The following ARHGEF10L variants were observed in gnomAD, a reference collection of about 807,000 sequenced individuals.
The protein encoded by ARHGEF10L is rho guanine nucleotide exchange factor 10-like protein.
In ARHGEF10L, 69 loss-of-function variants were observed where a neutral mutation model predicts 141.2. The observed-to-expected ratio is 0.49, with a 90% CI of 0.40 to 0.60. The LOEUF (loss-of-function observed/expected upper bound fraction) is 0.60. Ranked by LOEUF, ARHGEF10L falls within the 20% of genes least tolerant of loss-of-function variation. The probability of loss-of-function intolerance (pLI) is 0.00; values close to 1 mark genes in which losing one functional copy is unlikely to be tolerated. For missense variants in ARHGEF10L, 1,482 were observed against 1,734.3 expected (o/e 0.85, Z 2.58); for synonymous variants, 711 against 718.5 (o/e 0.99, Z 0.17).
chr1:17,538,939 T>C (rs1168538872), upstream of ARHGEF10L, among the ~76,000 whole-genome samples: 4 of 152,342 alleles, frequency 2.6e-5, no homozygotes, highest in East Asian at 7.7e-4. Flanking sequence ...AATTGCATCA[T>C]ATCCAGAGGC....
intron 4 of ARHGEF10L, among the ~76,000 whole-genome samples, chr1:17,601,827 C>T (rs113246167): frequency 5.9e-5 from 9 of 152,284 alleles, no homozygotes; most frequent in African/African-American, 1.7e-4. Context: ...GGTGGAGGTT[C>T]CCTTTGAGTC....
chr1:17,549,760 T>C (rs908725990), intron 1 of ARHGEF10L, among the ~76,000 whole-genome samples: 1 of 152,204 alleles, frequency 6.6e-6, no homozygotes, highest in East Asian at 1.9e-4. Flanking sequence ...TAATGAAATA[T>C]AGTTCCAAGA....
chr1:17,636,384 C>A (rs192083875), intron 18 of ARHGEF10L, among the ~76,000 whole-genome samples: 1 of 152,302 alleles, frequency 6.6e-6, no homozygotes, highest in East Asian at 1.9e-4. Context: ...CTTGAAGAAC[C>A]ATAAAACCAA....
rs772422566 is a variant in ARHGEF10L at position 17,656,114 on chromosome 1, G to A, written c.2705+12G>A. 12 of 1,549,342 alleles carry A rather than the reference G, an allele frequency of 7.7e-6. No homozygotes were observed. Among genetic ancestry groups the A allele is most frequent in the African/African-American group, 4.1e-5 (3 of 73,036 alleles). ...CTCCAGGATGGCAGGTGAGGGGCCC[G>A]GAAGGAGGGGTGAGAGCAGCCTCTG... On this transcript the variant is annotated intron_variant, in intron 24 of 28. Transcript: ENST00000361221. The surrounding 1 kb of genome is among the most constrained non-coding windows in gnomAD (Gnocchi z 4.9).
intron 4 of ARHGEF10L, among the ~76,000 whole-genome samples, chr1:17,590,132 A>G (rs1234944077): frequency 6.6e-6 from 1 of 152,140 alleles, no homozygotes; most frequent in African/African-American, 2.4e-5. Context: ...CTCATTCAGA[A>G]GAGAGACCAA....
At chr1:17,690,845 C>T (rs932641407) in intron 27 of ARHGEF10L, among the ~76,000 whole-genome samples, 18 of 152,208 alleles carry the variant, frequency 1.2e-4, no homozygotes, top group African/African-American at 3.4e-4. Flanking sequence ...ATCCACCCCA[C>T]GTTGTGCCTT....
chr1:17,695,136 C>T (rs1412975212), intron 27 of ARHGEF10L, 22 bp from the exon 28 acceptor site: 2 of 1,612,026 alleles, frequency 1.2e-6, no homozygotes, highest in Non-Finnish European at 1.7e-6. Context: ...GGGCACTGCT[C>T]AGCCGCCCTC....
At chr1:17,610,709 G>T (rs981602725) in intron 7 of ARHGEF10L, among the ~76,000 whole-genome samples, 4 of 152,196 alleles carry the variant, frequency 2.6e-5, no homozygotes, top group Admixed American at 2.0e-4. Flanking sequence ...TGACAGCAGG[G>T]GTCTGGGGAT....
In ARHGEF10L at chr1:17,694,947, C is replaced by T. The variant is rs1394841405; in HGVS notation, c.3185-211C>T. The T allele has an allele frequency of 8.3e-6, 6 of 726,896 alleles. No homozygotes were observed. In the Admixed American group the frequency reaches 1.2e-4, roughly 14 times the overall value. 45.0% of individuals were successfully genotyped at this position (726,896 alleles called of 1,614,324 possible). A position where few individuals can be genotyped will look rare whatever the true frequency, so the allele number is the denominator to read the frequency against. On this transcript the variant is annotated intron_variant, in intron 27 of 28. Coordinates refer to ENST00000361221, the MANE Select transcript of ARHGEF10L (RefSeq NM_018125.4). Reference sequence around the variant, plus strand: ...CACTTTACACAGGCGGAAACTGAGGCTGGTTAGGGGAGTGCTCAGCTGCAG... The same window carrying T: ...CACTTTACACAGGCGGAAACTGAGGTTGGTTAGGGGAGTGCTCAGCTGCAG...
chr1:17,690,573 C>T (rs996864736), intron 27 of ARHGEF10L, among the ~76,000 whole-genome samples: 3 of 152,232 alleles, frequency 2.0e-5, no homozygotes, highest in Admixed American at 6.5e-5. Flanking sequence ...CAGAGGTGAC[C>T]GCTCTTTTGG....
chr1:17,678,423 T>C (rs1571494409), intron 26 of ARHGEF10L, among the ~76,000 whole-genome samples: 1 of 151,824 alleles, frequency 6.6e-6, no homozygotes, highest in East Asian at 1.9e-4. Context: ...CAGGGTTTTT[T>C]TTTTTTTTTT....
In ARHGEF10L at chr1:17,648,730, C is replaced by T. The variant is rs372113236; in HGVS notation, c.2394+55C>T. The stretch of plus-strand genomic sequence containing the variant: ...CTCGAAGGTGGCTGCGGCTCCCCCT[C>T]GCCTGGGAGAACCAGAGTTTCCAGG... On this transcript the variant is annotated intron_variant, in intron 22 of 28. Transcript: ENST00000361221. 7.8e-4 allele frequency: 1,246 copies of T among 1,589,810 alleles called. 1 individual carries two copies. Among genetic ancestry groups the T allele is most frequent in the Non-Finnish European group, 9.8e-4 (1,139 of 1,163,490 alleles).
intron 7 of ARHGEF10L, among the ~76,000 whole-genome samples, chr1:17,609,770 G>A (rs1221244686): frequency 3.3e-5 from 5 of 152,172 alleles, no homozygotes; most frequent in African/African-American, 1.2e-4. Flanking sequence ...AGAGGAGACA[G>A]GACAGGTGAT....
At chr1:17,694,694 G>C in intron 27 of ARHGEF10L, 1 of 342,600 alleles carries the variant, frequency 2.9e-6, no homozygotes, top group Non-Finnish European at 5.7e-6. Flanking sequence ...GATGCCTCTC[G>C]AGCCCCACCC....
chr1:17,656,246 C>A lies in ARHGEF10L; in HGVS notation c.2705+144C>A. ...TCCAGGAAGGTGGGCACCAGAGCTG[C>A]CCAGTGTGGGAGCCAAAGTGTCGGG... On this transcript the variant is annotated intron_variant, in intron 24 of 28. Coordinates refer to ENST00000361221, the MANE Select transcript of ARHGEF10L (RefSeq NM_018125.4). This position sits in a 1 kb window ranked among gnomAD's most constrained non-coding sequence, Gnocchi z 4.9. 1 of 1,070,286 alleles carries A rather than the reference C, an allele frequency of 9.3e-7. No homozygotes were observed. Among genetic ancestry groups the A allele is most frequent in the Non-Finnish European group, 1.3e-6 (1 of 750,418 alleles). 66.3% of individuals were successfully genotyped at this position (1,070,286 alleles called of 1,614,324 possible).
At position 17,607,705 on chromosome 1, in the gene ARHGEF10L, C is replaced by G; in HGVS notation, c.434-97C>G. 7 of 1,296,106 alleles carry G rather than the reference C, an allele frequency of 5.4e-6. 1 individual carries two copies. Among genetic ancestry groups the G allele is most frequent in the South Asian group, 3.6e-5 (2 of 55,152 alleles). The allele number at this position is 1,296,106 out of a possible 1,614,324, so 80.3% of individuals were successfully genotyped here. Reference sequence around the variant, plus strand: ...GGCCCCCATGTTCTCCCTGACCCCCCCTCGCCCCACCTGGGTTCAGAAATT... The same window carrying G: ...GGCCCCCATGTTCTCCCTGACCCCCGCTCGCCCCACCTGGGTTCAGAAATT... On this transcript the variant is annotated intron_variant, in intron 6 of 28. Transcript: ENST00000361221. The surrounding 1 kb of genome is among the most constrained non-coding windows in gnomAD (Gnocchi z 4.5).
upstream of ARHGEF10L, among the ~76,000 whole-genome samples, chr1:17,538,894 G>A (rs146644611): frequency 3.3e-5 from 5 of 152,148 alleles, no homozygotes; most frequent in East Asian, 5.8e-4. Flanking sequence ...ACAACAACGC[G>A]GATAATCTTA....
At chr1:17,647,361 C>T (rs764228505) in intron 21 of ARHGEF10L, among the ~76,000 whole-genome samples, 16 of 152,154 alleles carry the variant, frequency 1.1e-4, no homozygotes, top group African/African-American at 2.2e-4. Flanking sequence ...AGGGCATAGA[C>T]GGCGGCGCTC....
At chr1:17,594,777 A>G (rs992720204) in intron 4 of ARHGEF10L, among the ~76,000 whole-genome samples, 1 of 152,074 alleles carries the variant, frequency 6.6e-6, no homozygotes, top group African/African-American at 2.4e-5. Context: ...GAGCCACCAT[A>G]CCCGGCCCCC....
Sources: allele counts gnomAD v4.1 joint callset (sites outside exome capture counted in the v4.1 genomes callset), GRCh38; gene constraint gnomAD v4.1.1; non-coding constraint Gnocchi (gnomAD v3.1); transcripts MANE v1.5; gene names NCBI Gene and HGNC (gene_info 2026-07-23, HGNC 2026-07-21).